Variants in AFF3 observed in about 807,000 individuals in gnomAD.
AFF3 encodes AF4/FMR2 family member 3.
AFF3 carries 32 observed loss-of-function variants against 129.7 expected under a neutral mutation model. That is an observed-to-expected ratio of 0.25 (90% CI 0.19 to 0.33). AFF3 has a LOEUF of 0.33. AFF3 is among the 10% of genes least tolerant of loss of function. The pLI is 1.00. For missense variants in AFF3, 1,373 were observed against 1,592.0 expected (o/e 0.86, Z 2.34); for synonymous variants, 644 against 635.4 (o/e 1.01, Z -0.20).
intron 13 of AFF3, among the ~76,000 whole-genome samples, chr2:99,629,318 G>GA (rs1682905912): frequency 6.6e-6 from 1 of 152,146 alleles, no homozygotes; most frequent in Non-Finnish European, 1.5e-5. Flanking sequence ...GAAGTCTCAG[G>GA]ATACAAACTC....
chr2:99,765,447 G>A (rs1682932163), intron 8 of AFF3, among the ~76,000 whole-genome samples: 1 of 152,214 alleles, frequency 6.6e-6, no homozygotes, highest in Admixed American at 6.5e-5. Flanking sequence ...CGGGCTTGGA[G>A]TCAGCATCTG....
intron 22 of AFF3, among the ~76,000 whole-genome samples, chr2:99,557,757 A>G (rs1045940206): frequency 6.6e-6 from 1 of 152,160 alleles, no homozygotes; most frequent in African/African-American, 2.4e-5. Context: ...CTCTACATGC[A>G]CAATTGGAAG....
chr2:99,585,511 C>A (rs1678014312), intron 16 of AFF3, among the ~76,000 whole-genome samples: 1 of 152,164 alleles, frequency 6.6e-6, no homozygotes, highest in Non-Finnish European at 1.5e-5. Context: ...AACTAAGAGG[C>A]TCTTCCAGGC....
intron 4 of AFF3, among the ~76,000 whole-genome samples, chr2:100,082,228 G>T (rs1277726742): frequency 1.3e-5 from 2 of 152,100 alleles, no homozygotes; most frequent in East Asian, 3.9e-4. Context: ...GAGATATGTT[G>T]AAATACGAAC....
chr2:99,719,714 T>C (rs1052621344), intron 11 of AFF3, among the ~76,000 whole-genome samples: 2 of 152,240 alleles, frequency 1.3e-5, no homozygotes, highest in African/African-American at 4.8e-5. Context: ...TTACATAGTT[T>C]ATCTTTTCTG....
intron 7 of AFF3, among the ~76,000 whole-genome samples, chr2:99,855,648 T>C (rs1303591614): frequency 1.3e-5 from 2 of 152,076 alleles, no homozygotes; most frequent in African/African-American, 4.8e-5. Flanking sequence ...AATAAATAAA[T>C]AGGATAGGAT....
intron 7 of AFF3, among the ~76,000 whole-genome samples, chr2:99,903,288 A>T (rs927830341): frequency 6.6e-6 from 1 of 152,148 alleles, no homozygotes; most frequent in Non-Finnish European, 1.5e-5. Flanking sequence ...TGTATCTTTT[A>T]ATCAATGATA....
At chr2:99,851,111 A>T (rs1690112233) in intron 7 of AFF3, among the ~76,000 whole-genome samples, 1 of 152,236 alleles carries the variant, frequency 6.6e-6, no homozygotes, top group South Asian at 2.1e-4. Flanking sequence ...GTTGCAGCAA[A>T]CAAAGGGTTA....
chr2:99,600,481 C>T (rs1031150925), intron 14 of AFF3, among the ~76,000 whole-genome samples: 8 of 152,066 alleles, frequency 5.3e-5, no homozygotes, highest in Admixed American at 3.3e-4. Context: ...GGATGCTGAT[C>T]GGGCCCATTA....
chr2:100,036,417 A>G (rs1684912906), intron 4 of AFF3, among the ~76,000 whole-genome samples: 1 of 152,184 alleles, frequency 6.6e-6, no homozygotes, highest in Non-Finnish European at 1.5e-5. Context: ...AGATTTCAGA[A>G]TAACAGGTAA....
At chr2:99,679,581 A>G (rs1674338178) in intron 11 of AFF3, among the ~76,000 whole-genome samples, 1 of 152,218 alleles carries the variant, frequency 6.6e-6, no homozygotes, top group African/African-American at 2.4e-5. Flanking sequence ...TCCCAACAGT[A>G]AGCATATCTA....
chr2:99,782,780 T>C (rs1029266089), intron 8 of AFF3, among the ~76,000 whole-genome samples: 4 of 152,208 alleles, frequency 2.6e-5, no homozygotes, highest in Admixed American at 1.3e-4. Context: ...ACATTAGTGT[T>C]CTAAAACCCA....
chr2:99,867,791 A>G (rs1033104101), intron 7 of AFF3, among the ~76,000 whole-genome samples: 2 of 152,166 alleles, frequency 1.3e-5, no homozygotes, highest in Non-Finnish European at 2.9e-5. Flanking sequence ...TCCAGAAGAC[A>G]GTGCTGAGGT....
At chr2:100,075,338 C>A (rs1053211307) in intron 4 of AFF3, among the ~76,000 whole-genome samples, 1 of 152,150 alleles carries the variant, frequency 6.6e-6, no homozygotes, top group Non-Finnish European at 1.5e-5. Context: ...AGAACCACAG[C>A]TCGTGTTTGG....
At chr2:99,808,688 A>G (rs1447944880) in intron 8 of AFF3, among the ~76,000 whole-genome samples, 1 of 152,250 alleles carries the variant, frequency 6.6e-6, no homozygotes, top group East Asian at 1.9e-4. Flanking sequence ...ACAAGAAAGT[A>G]GACACAATTG....
intron 7 of AFF3, among the ~76,000 whole-genome samples, chr2:99,962,234 G>A (rs1202604321): frequency 6.6e-6 from 1 of 152,148 alleles, no homozygotes; most frequent in Non-Finnish European, 1.5e-5. Flanking sequence ...GATAAACCAA[G>A]CAGACCAAAG....
chr2:100,116,670 T>C (rs1691747680), intron 2 of AFF3, among the ~76,000 whole-genome samples: 1 of 152,188 alleles, frequency 6.6e-6, no homozygotes, highest in Admixed American at 6.5e-5. Flanking sequence ...GTATCATTGT[T>C]GTCATGTACT....
chr2:99,745,471 A>G (rs1488176094), intron 9 of AFF3, among the ~76,000 whole-genome samples: 3 of 152,234 alleles, frequency 2.0e-5, no homozygotes, highest in Non-Finnish European at 4.4e-5. Flanking sequence ...ATCCATTGCC[A>G]AATCCAAGGT....
rs150000128 is a variant in AFF3, at chr2:100,058,083, G to A, written c.53+46319C>T. Among the ~76,000 whole-genome samples the A allele has an allele frequency of 1.9e-3, 297 of 152,322 alleles. 5 individuals carry two copies. The highest frequency in any genetic ancestry group is 6.9e-3 in the African/African-American group (287 of 41,568). ...AAGGGACCACACAGGAGAAAAATGA[G>A]TGATAGCTACAGTTTTAGTATCAAC... On this transcript the variant is annotated intron_variant, in intron 4 of 24. Coordinates refer to ENST00000672756, the MANE Select transcript of AFF3 (RefSeq NM_001386135.1).
Sources: allele counts gnomAD v4.1 joint callset (sites outside exome capture counted in the v4.1 genomes callset), GRCh38; gene constraint gnomAD v4.1.1; transcripts MANE v1.5; gene names NCBI Gene and HGNC (gene_info 2026-07-23, HGNC 2026-07-21).